The following PLXNA1 variants were observed in gnomAD, a reference collection of about 807,000 sequenced individuals.
PLXNA1 encodes plexin-A1.
A neutral mutation model predicts 191.7 loss-of-function variants in PLXNA1; 77 were observed. The observed-to-expected ratio is 0.40, with a 90% CI of 0.33 to 0.49. The LOEUF (loss-of-function observed/expected upper bound fraction) is 0.49, where lower values mean the gene tolerates loss of function less well. Ranked by LOEUF, PLXNA1 falls within the 20% of genes least tolerant of loss-of-function variation. PLXNA1 has a pLI of 0.63. For synonymous variants in PLXNA1, 1,137 were observed against 1,156.4 expected (o/e 0.98, Z 0.34); for missense variants, 2,110 against 2,660.2 (o/e 0.79, Z 4.55).
intron 3 of PLXNA1, among the ~76,000 whole-genome samples, chr3:126,998,795 A>G (rs2079026461): frequency 1.3e-5 from 2 of 152,066 alleles, no homozygotes; most frequent in Admixed American, 1.3e-4. Context: ...ACCTGCCAGG[A>G]CCCTGACCTC....
chr3:127,019,540 G>C (rs776756930), intron 20 of PLXNA1, among the ~76,000 whole-genome samples: 3 of 152,220 alleles, frequency 2.0e-5, no homozygotes. Context: ...GCCAGGTGCA[G>C]ATAACTAGAC....
chr3:127,003,741 C>T (rs2079052473), intron 4 of PLXNA1, among the ~76,000 whole-genome samples: 1 of 152,216 alleles, frequency 6.6e-6, no homozygotes, highest in Non-Finnish European at 1.5e-5. Flanking sequence ...TCCCACCCCT[C>T]CCCTGTTGAC....
chr3:127,034,210 C>T lies in PLXNA1; in HGVS notation c.*193C>T. The T allele has an allele frequency of 1.8e-6, 1 of 559,698 alleles. No individual in the cohort carries two copies. Among genetic ancestry groups the T allele is most frequent in the Non-Finnish European group, 3.2e-6 (1 of 312,482 alleles). 34.7% of individuals were successfully genotyped at this position (559,698 alleles called of 1,614,324 possible). On this transcript the variant is annotated 3_prime_UTR_variant, in exon 32 of 32. Transcript: ENST00000393409. ...CCTGTGTGGAGGTGATGGTACCTGC[C>T]ACACCACAGCTGCGCACACAGCTGC...
chr3:127,007,001 G>A (rs563850181), intron 8 of PLXNA1, among the ~76,000 whole-genome samples: 1 of 152,314 alleles, frequency 6.6e-6, no homozygotes, highest in East Asian at 1.9e-4. Flanking sequence ...GATGGACTCT[G>A]TCACAGCTCT....
chr3:127,012,758 G>A (rs957308221), intron 10 of PLXNA1, among the ~76,000 whole-genome samples: 10 of 152,376 alleles, frequency 6.6e-5, no homozygotes, highest in African/African-American at 2.2e-4. Flanking sequence ...TTCAGTGACG[G>A]GATCTCTATA....
At position 127,005,022 on chromosome 3, in the gene PLXNA1, C is replaced by G; in HGVS notation, c.1743+14C>G. The stretch of plus-strand genomic sequence containing the variant: ...TCCCAGGTCCCAGTAAGTGTGGCAC[C>G]CCAGGTGGTAAGGGGTGGGGGACAG... On this transcript the variant is annotated intron_variant, in intron 6 of 31. Coordinates refer to ENST00000393409, the MANE Select transcript of PLXNA1 (RefSeq NM_032242.4). The G allele has an allele frequency of 6.2e-7, 1 of 1,608,836 alleles. No homozygotes were observed. The highest frequency in any genetic ancestry group is 1.3e-5 in the African/African-American group (1 of 74,974).
rs529406371 is a variant in PLXNA1 at position 127,028,419 on chromosome 3, C to T, written c.4669+79C>T. ...GGCCATGGCCTAGTACTGAGCTTGG[C>T]GGGGAAGGCCAGGCCAGTCCTCCAC... On this transcript the variant is annotated intron_variant, in intron 25 of 31. Transcript: ENST00000393409. The T allele has an allele frequency of 1.4e-5, 20 of 1,462,972 alleles. 1 individual carries two copies. The highest frequency in any genetic ancestry group is 1.4e-5 in the African/African-American group (1 of 71,206). The allele number at this position is 1,462,972 out of a possible 1,614,324, so 90.6% of individuals were successfully genotyped here. A position where few individuals can be genotyped will look rare whatever the true frequency, so the allele number is the denominator to read the frequency against.
At chr3:127,032,656 T>A (rs2107639588) in intron 30 of PLXNA1, 30 bp from the exon 31 acceptor site, 1 of 1,611,478 alleles carries the variant, frequency 6.2e-7, no homozygotes, top group Middle Eastern at 1.7e-4. Flanking sequence ...TGGACTCTGC[T>A]CATGTGCCCA....
Position 127,017,421 on chromosome 3 carries a change from C to G in PLXNA1, c.3277-4C>G. ...CGCCCAGCATCCCCACCCTGTGTCT[C>G]CAGGGCTGCCTGGTGTACAATGACA... is the stretch of plus-strand genomic sequence containing the variant. On this transcript the variant is annotated splice_polypyrimidine_tract_variant and splice_region_variant and intron_variant, in intron 17 of 31. Coordinates refer to ENST00000393409, the MANE Select transcript of PLXNA1 (RefSeq NM_032242.4). 1.2e-6 allele frequency: 2 copies of G among 1,611,858 alleles called. No individual in the cohort carries two copies. The highest frequency in any genetic ancestry group is 1.7e-6 in the Non-Finnish European group (2 of 1,179,440).
At chr3:127,002,295 G>C (rs182373674) in intron 3 of PLXNA1, among the ~76,000 whole-genome samples, 233 of 152,350 alleles carry the variant, frequency 1.5e-3, no homozygotes, top group Non-Finnish European at 2.8e-3. Context: ...GAGCGGATGT[G>C]GGGGGTGGCC....
intron 7 of PLXNA1, 136 bp downstream of exon 7, chr3:127,005,379 G>T: frequency 8.7e-7 from 1 of 1,146,300 alleles, no homozygotes; most frequent in Non-Finnish European, 1.2e-6. Context: ...TATGGGTGGG[G>T]GTCTCACCAC....
At chr3:127,019,077 G>A (rs2079140023) in intron 20 of PLXNA1, among the ~76,000 whole-genome samples, 1 of 152,256 alleles carries the variant, frequency 6.6e-6, no homozygotes, top group African/African-American at 2.4e-5. Flanking sequence ...CAGGGCAGGT[G>A]TGAGTGGCAG....
rs2078978550 is a variant in PLXNA1, at chr3:126,989,460, C to T, written c.867C>T (p.Asp289=). ...TSKIVRLCVD[D]PKFYSYVEFP... The stretch of plus-strand genomic sequence containing the variant: ...AGATCGTGCGGCTCTGTGTGGACGA[C>T]CCCAAATTCTACTCGTACGTTGAGT... Residue 289 remains aspartate, a synonymous_variant, in exon 2 of 32, where the codon GAC becomes GAT. Transcript: ENST00000393409. The T allele has an allele frequency of 6.2e-7, 1 of 1,613,704 alleles. No individual in the cohort carries two copies. The highest frequency in any genetic ancestry group is 8.5e-7 in the Non-Finnish European group (1 of 1,180,052).
intron 1 of PLXNA1, among the ~76,000 whole-genome samples, chr3:126,985,102 C>T (rs145629039): frequency 2.6e-5 from 4 of 152,216 alleles, no homozygotes; most frequent in South Asian, 2.1e-4. Flanking sequence ...CAGGATCTGG[C>T]GCAGGAGGAC....
In PLXNA1 at chr3:127,011,992, A is replaced by G. The variant is rs1247347649; in HGVS notation, c.2147A>G (p.Tyr716Cys). 9 of 1,613,748 alleles carry G rather than the reference A, an allele frequency of 5.6e-6. No homozygotes were observed. The highest frequency in any genetic ancestry group is 7.6e-6 in the Non-Finnish European group (9 of 1,179,998). The change falls in exon 10 of 32, where the codon TAC becomes TGC. Residue 716 changes from tyrosine (Y) to cysteine (C), a missense_variant. Tyr to Cys is a radical substitution (Grantham distance 194, BLOSUM62 -2). Coordinates refer to ENST00000393409, the MANE Select transcript of PLXNA1 (RefSeq NM_032242.4). The stretch of plus-strand genomic sequence containing the variant: ...CAGATCCTGCCCTCCACGCAGATCT[A>G]CGTGCCAGTGGGAGTGGTAAAACCC... Reference protein sequence around the residue: ...CPQILPSTQIYVPVGVVKPIT... With the variant: ...CPQILPSTQICVPVGVVKPIT...
At chr3:126,987,120 T>C (rs2078962731) in intron 1 of PLXNA1, among the ~76,000 whole-genome samples, 1 of 152,238 alleles carries the variant, frequency 6.6e-6, no homozygotes, top group African/African-American at 2.4e-5. Context: ...TGTGGGCAGG[T>C]GTGCCCTTTC....
intron 18 of PLXNA1, 34 bp from the exon 19 acceptor site, chr3:127,017,715 G>A (rs748705371): frequency 2.7e-5 from 44 of 1,612,962 alleles, no homozygotes; most frequent in Non-Finnish European, 2.8e-5. Flanking sequence ...GAGGCCCCTC[G>A]TCCTGGGCTC....
At chr3:127,020,485 C>A in intron 21 of PLXNA1, 141 bp downstream of exon 21, 1 of 1,081,488 alleles carries the variant, frequency 9.2e-7, no homozygotes, top group Non-Finnish European at 1.3e-6. Context: ...GGGCTCTGGG[C>A]TCAGCCAAGT....
At chr3:127,023,079 G>A (rs1050704709) in intron 23 of PLXNA1, among the ~76,000 whole-genome samples, 8 of 152,160 alleles carry the variant, frequency 5.3e-5, no homozygotes, top group Non-Finnish European at 8.8e-5. Flanking sequence ...CAGGCTCTCA[G>A]TGCCCACAGC....
Sources: gnomAD v4.1 joint callset for allele counts (sites outside exome capture counted in the v4.1 genomes callset) on GRCh38, gnomAD v4.1.1 for gene constraint, MANE v1.5 for transcripts, NCBI Gene and HGNC (gene_info 2026-07-23, HGNC 2026-07-21) for gene names.